The following SDK1 variants were observed in gnomAD, a reference collection of about 807,000 sequenced individuals.
The protein encoded by SDK1 is protein sidekick-1.
A neutral mutation model predicts 245.5 loss-of-function variants in SDK1; 157 were observed. The observed-to-expected ratio is 0.64, with a 90% confidence interval of 0.56 to 0.73. SDK1 has a LOEUF of 0.73. Among genes scored for constraint, SDK1 ranks in the 30% least tolerant of loss-of-function variants. The pLI, the probability that SDK1 is intolerant of heterozygous loss-of-function variation, is 0.00. For missense variants in SDK1, 3,583 were observed against 3,002.3 expected, an observed-to-expected ratio of 1.19 and a Z score of -4.52; for synonymous variants, 1,647 against 1,278.5, an observed-to-expected ratio of 1.29 and a Z score of -6.15.
At chr7:3,807,513 G>T (rs1779281739) in intron 4 of SDK1, among the ~76,000 whole-genome samples, 1 of 152,156 alleles carries the variant, frequency 6.6e-6, no homozygotes. Flanking sequence ...GCCTTTCTTA[G>T]CCAGTGGGGG....
chr7:3,573,197 CAG>C, intron 1 of SDK1, among the ~76,000 whole-genome samples: 1 of 152,214 alleles, frequency 6.6e-6, no homozygotes, highest in African/African-American at 2.4e-5. Flanking sequence ...ACCCTGGTCT[CAG>C]AGTGGAGACT....
chr7:3,405,029 G>C (rs1209001877), intron 1 of SDK1, among the ~76,000 whole-genome samples: 1 of 152,052 alleles, frequency 6.6e-6, no homozygotes, highest in East Asian at 1.9e-4. Flanking sequence ...AGTTGCCAGA[G>C]GGTGTGGGTT....
At chr7:3,851,793 C>A (rs370854321) in intron 5 of SDK1, among the ~76,000 whole-genome samples, 2 of 152,094 alleles carry the variant, frequency 1.3e-5, no homozygotes, top group South Asian at 2.1e-4. Context: ...TGAAGCTAAG[C>A]GGCTAAATAG....
intron 1 of SDK1, among the ~76,000 whole-genome samples, chr7:3,427,620 G>A (rs930831759): frequency 3.3e-5 from 5 of 151,634 alleles, no homozygotes; most frequent in Non-Finnish European, 7.4e-5. Context: ...TACGATATAA[G>A]ATGGGCCTAG....
chr7:3,334,995 ATTT>A (rs1780162909), intron 1 of SDK1, among the ~76,000 whole-genome samples: 1 of 151,924 alleles, frequency 6.6e-6, no homozygotes, highest in South Asian at 2.1e-4. Flanking sequence ...TTCTTCTCTA[ATTT>A]ATCACCCTGA....
chr7:4,142,926 C>G (rs1451712526), intron 28 of SDK1, among the ~76,000 whole-genome samples: 1 of 152,200 alleles, frequency 6.6e-6, no homozygotes, highest in Non-Finnish European at 1.5e-5. Flanking sequence ...ATGCTTTTTC[C>G]AGGCAGAACA....
intron 4 of SDK1, among the ~76,000 whole-genome samples, chr7:3,744,184 G>A (rs543068211): frequency 1.3e-5 from 2 of 151,988 alleles, no homozygotes; most frequent in South Asian, 4.2e-4. Flanking sequence ...TATTTAGTTG[G>A]TTTCTCAAAT....
chr7:4,220,515 G>GTTGT (rs1554262709), intron 39 of SDK1, among the ~76,000 whole-genome samples: 1 of 140,538 alleles, frequency 7.1e-6, no homozygotes, highest in Non-Finnish European at 1.5e-5. Flanking sequence ...AGTTTTAGTT[G>GTTGT]TTTTTTTTTT....
chr7:4,153,166 A>G (rs1410159326), intron 30 of SDK1, among the ~76,000 whole-genome samples: 2 of 151,050 alleles, frequency 1.3e-5, no homozygotes, highest in Admixed American at 6.6e-5. Flanking sequence ...GCGCAGAGGG[A>G]ATGAGCATGG....
intron 4 of SDK1, among the ~76,000 whole-genome samples, chr7:3,797,345 T>G (rs1778985087): frequency 6.6e-6 from 1 of 151,224 alleles, no homozygotes; most frequent in African/African-American, 2.4e-5. Context: ...TTTCACCTTT[T>G]CTTTTTTTCT....
rs659182 is a variant in SDK1, at chr7:4,149,443, G to C, written c.4605G>C (p.Ala1535=). The C allele has an allele frequency of 0.72, 1,116,622 of 1,541,844 alleles. 407,063 individuals are homozygous for C. The highest frequency in any genetic ancestry group is 0.94 in the African/African-American group (67,620 of 72,236). Residue 1535 remains alanine, a synonymous_variant, in exon 30 of 45, where the codon GCG becomes GCC. Transcript: ENST00000404826. ...ACTCCTCGTCCATCAGCCATGAGGC[G>C]ACAGCATGCGTCGTTGACAGGTACT... is the stretch of plus-strand genomic sequence containing the variant. ...QTYSSSISHE[A]TACVVDRLRP... is the part of the protein sequence containing the mutation.
chr7:3,980,803 G>A lies in SDK1; in HGVS notation c.1994+6258G>A, dbSNP rs375792520. Among the ~76,000 whole-genome samples the A allele has an allele frequency of 9.9e-5, 15 of 152,188 alleles. 1 individual carries two copies. The highest frequency in any genetic ancestry group is 4.2e-4 in the South Asian group (2 of 4,810). On this transcript the variant is annotated intron_variant, in intron 13 of 44. Transcript: ENST00000404826. ...CTAAAAATACAAAAATTAGCCGGGC[G>A]TGGTGTTGGGCACCTGTAATCCCAG...
At chr7:3,319,133 C>T (rs1440112953) in intron 1 of SDK1, among the ~76,000 whole-genome samples, 1 of 152,194 alleles carries the variant, frequency 6.6e-6, no homozygotes, top group East Asian at 1.9e-4. Context: ...GAATGATATG[C>T]AGGGTGTGGT....
chr7:4,152,310 A>G (rs1197843880), intron 30 of SDK1, among the ~76,000 whole-genome samples: 1 of 152,242 alleles, frequency 6.6e-6, no homozygotes, highest in Non-Finnish European at 1.5e-5. Flanking sequence ...CTAGTGGCAG[A>G]TACCATCCTC....
intron 5 of SDK1, among the ~76,000 whole-genome samples, chr7:3,934,539 A>G (rs1345657799): frequency 6.6e-6 from 1 of 152,236 alleles, no homozygotes; most frequent in Non-Finnish European, 1.5e-5. Context: ...AGTTGTAGGA[A>G]CAGGTGTTGA....
intron 5 of SDK1, among the ~76,000 whole-genome samples, chr7:3,878,734 T>C (rs995329653): frequency 3.3e-5 from 5 of 152,176 alleles, no homozygotes; most frequent in African/African-American, 1.2e-4. Context: ...GTTATCTCTT[T>C]TCTTCTCACC....
chr7:3,939,939 G>A (rs1250824541), intron 5 of SDK1, among the ~76,000 whole-genome samples: 1 of 152,232 alleles, frequency 6.6e-6, no homozygotes, highest in East Asian at 1.9e-4. Flanking sequence ...GTGTCACGGA[G>A]CTGTCTTCAC....
intron 4 of SDK1, 66 bp downstream of exon 4, chr7:3,642,171 C>CTT: frequency 6.7e-7 from 1 of 1,487,160 alleles, no homozygotes; most frequent in Non-Finnish European, 9.3e-7. Flanking sequence ...ACCATCTACA[C>CTT]AGTAAGTGTA....
At chr7:3,809,123 G>T (rs1029448490) in intron 4 of SDK1, among the ~76,000 whole-genome samples, 1 of 152,072 alleles carries the variant, frequency 6.6e-6, no homozygotes, top group African/African-American at 2.4e-5. Context: ...CTGCACCTGG[G>T]GAGGCCTCAG....
Sources: gnomAD v4.1 joint callset for allele counts (sites outside exome capture counted in the v4.1 genomes callset) on GRCh38, gnomAD v4.1.1 for gene constraint, MANE v1.5 for transcripts, NCBI Gene and HGNC (gene_info 2026-07-23, HGNC 2026-07-21) for gene names.